Variants in LIPH observed in about 807,000 individuals in gnomAD.
The protein encoded by LIPH is lipase member H.
LIPH carries 32 observed loss-of-function variants against 47.6 expected under a neutral mutation model. The ratio of observed to expected loss-of-function variants is 0.67; its 90% CI spans 0.51 to 0.90. LIPH has a LOEUF of 0.90. Among genes scored for constraint, LIPH ranks in the 40% least tolerant of loss-of-function variants. The pLI is 0.00. For synonymous variants in LIPH, 190 were observed against 195.6 expected (o/e 0.97, Z 0.24); for missense variants, 497 against 541.4 (o/e 0.92, Z 0.81).
At chr3:185,534,013 CGGGAGTTCG>C (rs1720422247) in intron 2 of LIPH, among the ~76,000 whole-genome samples, 1 of 152,072 alleles carries the variant, frequency 6.6e-6, no homozygotes, top group Non-Finnish European at 1.5e-5. Flanking sequence ...CACCTGAGGT[CGGGAGTTCG>C]AGGCCAGCCT....
chr3:185,529,546 G>A (rs2889655), intron 3 of LIPH, among the ~76,000 whole-genome samples: 74,533 of 149,372 alleles, frequency 0.5, 18,911 homozygotes, highest in East Asian at 0.69. Context: ...CCAAAAGGCC[G>A]GGATTACAGG....
chr3:185,549,040 AG>A (rs1430137779), intron 1 of LIPH, among the ~76,000 whole-genome samples: 1 of 151,856 alleles, frequency 6.6e-6, no homozygotes, highest in Non-Finnish European at 1.5e-5. Context: ...GCTGAGGCAG[AG>A]AATTGCTTGA....
At chr3:185,517,384 C>T (rs1179258123) in intron 6 of LIPH, among the ~76,000 whole-genome samples, 2 of 152,188 alleles carry the variant, frequency 1.3e-5, no homozygotes, top group Admixed American at 6.5e-5. Flanking sequence ...TTGTTTTCCC[C>T]CTTTACTGGT....
rs750100495 is a variant in LIPH at position 185,511,574 on chromosome 3, G to A, written c.1218C>T (p.Tyr406=). ...FSTGSLIGPR[Y]KLRILRMKLR... ...ACTTCATTCGGAGAATCCTGAGCTT[G>A]TACCTTGGGCCTATTAGAGATCCTG... The change falls in exon 9 of 10, where the codon TAC becomes TAT. Residue 406 remains tyrosine, a synonymous_variant. Coordinates refer to ENST00000296252, the MANE Select transcript of LIPH (RefSeq NM_139248.3). 5 of 1,614,110 alleles carry A rather than the reference G, an allele frequency of 3.1e-6. No homozygotes were observed. The South Asian group carries it at 5.5e-5, about 18-fold the overall frequency.
rs1034842313 is a variant in LIPH, at chr3:185,538,902, CATATACACAT to C, written c.50-3780_50-3771del. ...ATATATACATATATACGTATATACA[CATATACACAT>C]ATATACACATATACACATATATACA... On this transcript the variant is annotated intron_variant, in intron 1 of 9. Transcript: ENST00000296252. Among the ~76,000 whole-genome samples, 6 of 58,754 alleles carry C rather than the reference CATATACACAT, an allele frequency of 1.0e-4. 1 individual carries two copies. Among genetic ancestry groups the C allele is most frequent in the African/African-American group, 3.1e-4 (5 of 16,128 alleles). The allele number at this position is 58,754 out of a possible 152,430, so 38.5% of individuals were successfully genotyped here.
chr3:185,533,958 C>T (rs1169128234), intron 2 of LIPH, among the ~76,000 whole-genome samples: 3 of 152,142 alleles, frequency 2.0e-5, no homozygotes, highest in Non-Finnish European at 2.9e-5. Flanking sequence ...GCCCAGTGGC[C>T]CACGCTTGTA....
At position 185,506,825 on chromosome 3, in the gene LIPH, C is replaced by T. The variant is rs1008010449; in HGVS notation, c.*1965G>A. On this transcript the variant is annotated 3_prime_UTR_variant, in exon 10 of 10. Coordinates refer to ENST00000296252, the MANE Select transcript of LIPH (RefSeq NM_139248.3). ...CCAGCCTGGGTAACAGAAGGAGACTCCATCTAAAAAAAAAAAAAAAAAAAA... is the reference window on the plus strand; with the variant it reads ...CCAGCCTGGGTAACAGAAGGAGACTTCATCTAAAAAAAAAAAAAAAAAAAA... 36 of 99,842 alleles carry T rather than the reference C, an allele frequency of 3.6e-4. No individual in the cohort carries two copies. Among genetic ancestry groups the T allele is most frequent in the African/African-American group, 1.4e-3 (35 of 24,936 alleles). 6.2% of individuals were successfully genotyped at this position (99,842 alleles called of 1,614,324 possible). A position where few individuals can be genotyped will look rare whatever the true frequency, so the allele number is the denominator to read the frequency against.
At chr3:185,548,266 G>A (rs1473092732) in intron 1 of LIPH, among the ~76,000 whole-genome samples, 1 of 151,860 alleles carries the variant, frequency 6.6e-6, no homozygotes, top group Non-Finnish European at 1.5e-5. Context: ...TTAGCTGGGC[G>A]TGGTGGTGGG....
At position 185,535,062 on chromosome 3, in the gene LIPH, AT is replaced by A. The variant is rs749900374; in HGVS notation, c.119del (p.Asn40MetfsTer2). 25 of 1,613,926 alleles carry A rather than the reference AT, an allele frequency of 1.5e-5. No homozygotes were observed. Among genetic ancestry groups the A allele is most frequent in the Non-Finnish European group, 1.4e-5 (17 of 1,180,006 alleles). On this transcript the variant is annotated frameshift_variant, in exon 2 of 10. Coordinates refer to ENST00000296252, the MANE Select transcript of LIPH (RefSeq NM_139248.3). The part of the protein sequence containing the change: ...FHSAVVGTGL[N>X]VRLMLYTRKN... ...TCCTTGTGTAGAGCATCAGCCTCAC[AT>A]TTAGTCCCGTACCAACCACTGCACT...
At chr3:185,528,316 AAAGAAAG>A (rs1162638840) in intron 3 of LIPH, among the ~76,000 whole-genome samples, 1 of 105,378 alleles carries the variant, frequency 9.5e-6, no homozygotes, top group Non-Finnish European at 2.0e-5. Flanking sequence ...AGGAAGAAAG[AAAGAAAG>A]AAGAAAGAAA....
intron 1 of LIPH, among the ~76,000 whole-genome samples, chr3:185,539,656 C>A (rs1038320024): frequency 6.6e-6 from 1 of 152,194 alleles, no homozygotes; most frequent in Non-Finnish European, 1.5e-5. Flanking sequence ...CAGGTGTGAG[C>A]CACCACGCCC....
rs11381400 is a variant in LIPH, at chr3:185,552,241, C to CT, written c.49+181dup. ...ATGAGAAAGTTCATCTAACCTGTAT[C>CT]TTTTTTTTTTTTTTTTAAGGAAATG... On this transcript the variant is annotated intron_variant, in intron 1 of 9. Transcript: ENST00000296252. Among the ~76,000 whole-genome samples, 837 of 125,936 alleles carry CT rather than the reference C, an allele frequency of 6.6e-3. 4 individuals carry two copies. Among genetic ancestry groups the CT allele is most frequent in the African/African-American group, 0.016 (556 of 34,792 alleles). The allele number at this position is 125,936 out of a possible 152,430, so 82.6% of individuals were successfully genotyped here. A position where few individuals can be genotyped will look rare whatever the true frequency, so the allele number is the denominator to read the frequency against.
At chr3:185,529,972 AAGAAAGAGAG>A (rs1720277761) in intron 3 of LIPH, among the ~76,000 whole-genome samples, 5 of 67,660 alleles carry the variant, frequency 7.4e-5, no homozygotes, top group East Asian at 1.1e-3. Context: ...GAAGGAAAGA[AAGAAAGAGAG>A]AGAGAGAGAA....
At chr3:185,539,885 A>G (rs1720647919) in intron 1 of LIPH, among the ~76,000 whole-genome samples, 1 of 152,230 alleles carries the variant, frequency 6.6e-6, no homozygotes, top group African/African-American at 2.4e-5. Context: ...GCTGCCCCAC[A>G]GCATTTACAT....
intron 3 of LIPH, among the ~76,000 whole-genome samples, chr3:185,528,559 C>T (rs1252483580): frequency 6.6e-6 from 1 of 152,088 alleles, no homozygotes; most frequent in Admixed American, 6.6e-5. Context: ...GATCAAGAGC[C>T]TTGATCAGAA....
intron 9 of LIPH, 113 bp downstream of exon 9, chr3:185,511,411 G>A: frequency 1.0e-6 from 1 of 995,338 alleles, no homozygotes; most frequent in Non-Finnish European, 1.6e-6. Context: ...AACCCATCAT[G>A]TCCCTCATTG....
At chr3:185,527,710 A>T in intron 3 of LIPH, 125 bp from the exon 4 acceptor site, 1 of 695,502 alleles carries the variant, frequency 1.4e-6, no homozygotes, top group South Asian at 1.5e-5. Flanking sequence ...GAGCGCTCAC[A>T]CTCCCGTCCC....
intron 1 of LIPH, among the ~76,000 whole-genome samples, chr3:185,538,773 A>G (rs867732351): frequency 0.083 from 750 of 9,040 alleles, 8 homozygotes; most frequent in African/African-American, 0.13. Context: ...ATATGTACAT[A>G]TATACACACA....
At chr3:185,548,767 A>AAAC (rs1720963318) in intron 1 of LIPH, among the ~76,000 whole-genome samples, 1 of 152,028 alleles carries the variant, frequency 6.6e-6, no homozygotes, top group African/African-American at 2.4e-5. Context: ...AAACAAAACA[A>AAAC]AACAAAACAA....
Sources: gnomAD v4.1 joint callset for allele counts (sites outside exome capture counted in the v4.1 genomes callset) on GRCh38, gnomAD v4.1.1 for gene constraint, MANE v1.5 for transcripts, NCBI Gene and HGNC (gene_info 2026-07-23, HGNC 2026-07-21) for gene names.